The following BID variants were observed in gnomAD, a reference collection of about 807,000 sequenced individuals.
The protein encoded by BID is BH3 interacting domain death agonist.
BID carries 19 observed loss-of-function variants against 17.4 expected under a neutral mutation model. The observed-to-expected ratio is 1.09, with a 90% CI of 0.76 to 1.60. The LOEUF (loss-of-function observed/expected upper bound fraction) is 1.60. Among genes scored for constraint, BID ranks in the 40% most tolerant of loss-of-function variants. The probability of loss-of-function intolerance (pLI) is 0.00; values close to 1 mark genes in which losing one functional copy is unlikely to be tolerated. For synonymous variants in BID, 108 were observed against 102.8 expected, an observed-to-expected ratio of 1.05 and a Z score of -0.31; for missense variants, 226 against 256.0, an observed-to-expected ratio of 0.88 and a Z score of 0.80.
chr22:17,756,625 GA>G (rs1190534211), intron 1 of BID, among the ~76,000 whole-genome samples: 2 of 147,138 alleles, frequency 1.4e-5, no homozygotes, highest in Non-Finnish European at 3.0e-5. Flanking sequence ...ACCCAGGCCG[GA>G]GTGCAATGGC....
In BID at chr22:17,735,542, A is replaced by G. The variant is rs755229729; in HGVS notation, c.*38T>C. ...GAAGCAGCTATACAGCTGTGACCAC[A>G]TCGAGCTTTAGCCAGTCACACTTCT... is the stretch of plus-strand genomic sequence containing the variant. On this transcript the variant is annotated 3_prime_UTR_variant, in exon 6 of 6. Coordinates refer to ENST00000622694, the MANE Select transcript of BID (RefSeq NM_001196.4). 1.5e-5 allele frequency: 24 copies of G among 1,613,814 alleles called. No homozygotes were observed. Among genetic ancestry groups the G allele is most frequent in the Middle Eastern group, 1.6e-4 (1 of 6,084 alleles).
At chr22:17,744,538 T>C (rs775301995) in intron 2 of BID, among the ~76,000 whole-genome samples, 39 of 152,136 alleles carry the variant, frequency 2.6e-4, no homozygotes, top group Non-Finnish European at 4.4e-4. Context: ...TACTGCGGAG[T>C]GGTGACCACA....
chr22:17,745,938 C>T (rs2061492374), intron 2 of BID, among the ~76,000 whole-genome samples: 1 of 151,970 alleles, frequency 6.6e-6, no homozygotes, highest in African/African-American at 2.4e-5. Flanking sequence ...TGCACTCCAG[C>T]CTGGGGGACG....
At chr22:17,762,322 TC>T (rs1281065192) in intron 1 of BID, among the ~76,000 whole-genome samples, 2 of 151,892 alleles carry the variant, frequency 1.3e-5, no homozygotes, top group African/African-American at 4.8e-5. Context: ...TATGGTGAAA[TC>T]CCGTCTCTAC....
In BID at chr22:17,748,117, G is replaced by A. The variant is rs554119854; in HGVS notation, c.12+1988C>T. On this transcript the variant is annotated intron_variant, in intron 2 of 5. Coordinates refer to ENST00000622694, the MANE Select transcript of BID (RefSeq NM_001196.4). The stretch of plus-strand genomic sequence containing the variant: ...CCAGCTACTCGAGAGGCTGAGGCAG[G>A]AGAATGGCATGAACTTGGGAGGCGG... 2.0e-5 allele frequency among the ~76,000 whole-genome samples: 3 copies of A among 151,010 alleles called. No homozygotes were observed. In the South Asian group the frequency reaches 6.3e-4, roughly 32 times the overall value.
rs545522204 is a variant in BID, at chr22:17,734,375, C to G, written c.*1205G>C. The G allele has an allele frequency of 6.6e-6, 1 of 152,284 alleles. No homozygotes were observed. The highest frequency in any genetic ancestry group is 6.5e-5 in the Admixed American group (1 of 15,294). The allele number at this position is 152,284 out of a possible 1,614,324, so 9.4% of individuals were successfully genotyped here. ...GTCCGTCAGTGCCCTTACTCATATG[C>G]GTCTCCAGTGGCCTCATGTTGTGGT... On this transcript the variant is annotated 3_prime_UTR_variant, in exon 6 of 6. Coordinates refer to ENST00000622694, the MANE Select transcript of BID (RefSeq NM_001196.4).
chr22:17,743,852 C>G lies in BID; in HGVS notation c.174G>C (p.Gln58His). ...APQWEGYDEL[Q>H]TDGNRSSHSR... The stretch of plus-strand genomic sequence containing the variant: ...AGTGGCTGCTGCGGTTGCCATCAGT[C>G]TGCAGCTCATCGTAGCCCTCCCACT... The change falls in exon 3 of 6, where the codon CAG (glutamine) becomes CAC (histidine). Residue 58 changes from glutamine to histidine, a missense_variant. Physicochemically the swap from Gln to His is conservative, Grantham distance 24 (BLOSUM62 0). Transcript: ENST00000622694. The G allele has an allele frequency of 1.2e-6, 2 of 1,612,922 alleles. No individual in the cohort carries two copies. The highest frequency in any genetic ancestry group is 1.7e-6 in the Non-Finnish European group (2 of 1,179,826).
At chr22:17,740,140 T>G (rs1302691283) in intron 3 of BID, 1 of 1,612,356 alleles carries the variant, frequency 6.2e-7, no homozygotes. Context: ...CGCCTCCGTT[T>G]CTTCCTCAGC....
rs748750166 is a variant in BID at position 17,773,594 on chromosome 22, C to A, written c.-59+787G>T. 3 of 1,612,172 alleles carry A rather than the reference C, an allele frequency of 1.9e-6. No individual in the cohort carries two copies. Among genetic ancestry groups the A allele is most frequent in the South Asian group, 1.1e-5 (1 of 91,076 alleles). On this transcript the variant is annotated intron_variant, in intron 1 of 5. Coordinates refer to ENST00000622694, the MANE Select transcript of BID (RefSeq NM_001196.4). This position sits in a 1 kb window ranked among gnomAD's most constrained non-coding sequence, Gnocchi z 4.4. ...GCCGGTCCAGCCGCAGAAGGCCCAG[C>A]CCCCAGCCCACTTACAGAATCCGCA...
chr22:17,757,230 T>C (rs2061597760), intron 1 of BID, among the ~76,000 whole-genome samples: 1 of 149,904 alleles, frequency 6.7e-6, no homozygotes, highest in Admixed American at 6.7e-5. Flanking sequence ...GCCTAGGCAA[T>C]CTGGTGAAAC....
intron 2 of BID, among the ~76,000 whole-genome samples, chr22:17,745,436 G>A (rs182018259): frequency 2.6e-5 from 4 of 152,214 alleles, no homozygotes; most frequent in African/African-American, 9.6e-5. Flanking sequence ...AGAGGCAGGA[G>A]GATCGTTTGA....
intron 1 of BID, among the ~76,000 whole-genome samples, chr22:17,760,050 C>T (rs1016346587): frequency 2.3e-4 from 34 of 147,668 alleles, no homozygotes; most frequent in African/African-American, 8.5e-4. Flanking sequence ...AGGAGAATGG[C>T]GTGAACTCGG....
chr22:17,745,673 A>C (rs28837131), intron 2 of BID, among the ~76,000 whole-genome samples: 1 of 151,990 alleles, frequency 6.6e-6, no homozygotes, highest in African/African-American at 2.4e-5. Context: ...AAAATGCTTA[A>C]AATAAGGAGC....
rs1226129256 is a variant in BID, at chr22:17,755,110, A to T, written c.-58-4936T>A. On this transcript the variant is annotated intron_variant, in intron 1 of 5. Coordinates refer to ENST00000622694, the MANE Select transcript of BID (RefSeq NM_001196.4). ...TTTTTTTTTTTTTTTTTTGAGTCGGAGTCTTGCTCTGTCGCCCAGGCTGGA... is the reference window on the plus strand; with the variant it reads ...TTTTTTTTTTTTTTTTTTGAGTCGGTGTCTTGCTCTGTCGCCCAGGCTGGA... Among the ~76,000 whole-genome samples, 5 of 99,898 alleles carry T rather than the reference A, an allele frequency of 5.0e-5. No individual in the cohort carries two copies. The Admixed American group carries it at 5.8e-4, about 12-fold the overall frequency. 65.5% of individuals were successfully genotyped at this position (99,898 alleles called of 152,430 possible). A position where few individuals can be genotyped will look rare whatever the true frequency, so the allele number is the denominator to read the frequency against.
intron 3 of BID, chr22:17,741,322 T>C (rs1461579881): frequency 6.6e-6 from 1 of 152,188 alleles, no homozygotes; most frequent in African/African-American, 2.4e-5. Flanking sequence ...AGTCTGTCCA[T>C]GGAACATGCA....
intron 1 of BID, among the ~76,000 whole-genome samples, chr22:17,757,669 A>G (rs548512648): frequency 5.3e-5 from 8 of 149,960 alleles, no homozygotes; most frequent in South Asian, 2.1e-4. Context: ...AGATAGCGCC[A>G]CTGTACTCCA....
At chr22:17,747,328 CT>C (rs1569042163) in intron 2 of BID, among the ~76,000 whole-genome samples, 1 of 152,138 alleles carries the variant, frequency 6.6e-6, no homozygotes, top group Non-Finnish European at 1.5e-5. Flanking sequence ...TCTAGATCCA[CT>C]TTGTTTTTGG....
chr22:17,753,447 C>A (rs1391602888), intron 1 of BID, among the ~76,000 whole-genome samples: 1 of 152,214 alleles, frequency 6.6e-6, no homozygotes, highest in Admixed American at 6.5e-5. Flanking sequence ...CCCTAGGCAA[C>A]GGTCTTGGAG....
chr22:17,763,348 A>C (rs2061655144), intron 1 of BID, among the ~76,000 whole-genome samples: 1 of 151,554 alleles, frequency 6.6e-6, no homozygotes. Context: ...GGTTCAAGTG[A>C]TTCTCCTGCC....
Sources: allele counts gnomAD v4.1 joint callset (sites outside exome capture counted in the v4.1 genomes callset), GRCh38; gene constraint gnomAD v4.1.1; non-coding constraint Gnocchi (gnomAD v3.1); transcripts MANE v1.5; gene names NCBI Gene and HGNC (gene_info 2026-07-23, HGNC 2026-07-21).